PREX2: variants seen among roughly 807,000 people sequenced by gnomAD.
The protein encoded by PREX2 is phosphatidylinositol 3,4,5-trisphosphate-dependent Rac exchanger 2 protein.
In PREX2, 107 loss-of-function variants were observed where a neutral mutation model predicts 203.2. That is an observed-to-expected ratio of 0.53 (90% CI 0.45 to 0.62). The LOEUF is 0.62. Among genes scored for constraint, PREX2 ranks in the 20% least tolerant of loss-of-function variants. PREX2 has a pLI of 0.00. For missense variants in PREX2, 1,777 were observed against 1,955.9 expected (o/e 0.91, Z 1.72); for synonymous variants, 672 against 663.6 (o/e 1.01, Z -0.19).
chr8:68,015,250 CCT>C (rs1217896407), intron 1 of PREX2, among the ~76,000 whole-genome samples: 1 of 152,134 alleles, frequency 6.6e-6, no homozygotes, highest in Non-Finnish European at 1.5e-5. Context: ...AAGATTTAAA[CCT>C]CTCATAAAAA....
Position 68,231,320 on chromosome 8 carries a change from A to T in PREX2, c.4776-13A>T. ...CACTAAGTCACTGTCAAACTTTACC[A>T]TGCCTTTTCTAGGCTGTACAAGCTG... is the stretch of plus-strand genomic sequence containing the variant. On this transcript the variant is annotated splice_polypyrimidine_tract_variant and intron_variant, in intron 39 of 39. Transcript: ENST00000288368. The T allele has an allele frequency of 6.3e-7, 1 of 1,577,228 alleles. No homozygotes were observed. The highest frequency in any genetic ancestry group is 8.6e-7 in the Non-Finnish European group (1 of 1,165,622).
chr8:68,097,308 G>T, intron 22 of PREX2, 107 bp downstream of exon 22: 2 of 853,032 alleles, frequency 2.3e-6, no homozygotes, highest in Non-Finnish European at 3.4e-6. Flanking sequence ...TGTTGCAGCT[G>T]TCAGCTCATT....
intron 1 of PREX2, among the ~76,000 whole-genome samples, chr8:67,965,857 A>C (rs1313152878): frequency 6.6e-6 from 1 of 152,170 alleles, no homozygotes; most frequent in Non-Finnish European, 1.5e-5. Flanking sequence ...GGGTCCAAAA[A>C]GGAATCATGT....
At chr8:68,141,186 A>G (rs1811222728) in intron 33 of PREX2, among the ~76,000 whole-genome samples, 1 of 152,194 alleles carries the variant, frequency 6.6e-6, no homozygotes. Flanking sequence ...CTAAATGGTA[A>G]GTTTGTCTAT....
At chr8:68,023,324 T>G (rs1807622988) in intron 4 of PREX2, among the ~76,000 whole-genome samples, 1 of 152,190 alleles carries the variant, frequency 6.6e-6, no homozygotes, top group African/African-American at 2.4e-5. Context: ...GCCATGCTAG[T>G]GGGTGTGTAG....
At chr8:68,120,778 G>T (rs912837519) in intron 29 of PREX2, 143 bp from the exon 30 acceptor site, 7 of 661,554 alleles carry the variant, frequency 1.1e-5, no homozygotes, top group Non-Finnish European at 1.7e-5. Context: ...TACATTTAAC[G>T]GATTTTCTGA....
chr8:68,058,753 C>T (rs1808756745), intron 10 of PREX2, among the ~76,000 whole-genome samples: 1 of 152,124 alleles, frequency 6.6e-6, no homozygotes, highest in South Asian at 2.1e-4. Flanking sequence ...TTAATATTAT[C>T]TCTGTGTTAA....
Position 68,120,360 on chromosome 8 carries a change from G to C in PREX2, c.3595+74G>C, listed in dbSNP as rs1585810022. On this transcript the variant is annotated intron_variant, in intron 29 of 39. Transcript: ENST00000288368. ...GGTAGACAATATAGTCATGAAGCAA[G>C]CAGATTGCATAAGAGGAACAATTCC... is the stretch of plus-strand genomic sequence containing the variant. The C allele has an allele frequency of 1.7e-5, 16 of 961,870 alleles. No individual in the cohort carries two copies. In the East Asian group the frequency reaches 3.6e-4, roughly 22 times the overall value. 59.6% of individuals were successfully genotyped at this position (961,870 alleles called of 1,614,324 possible). A position where few individuals can be genotyped will look rare whatever the true frequency, so the allele number is the denominator to read the frequency against.
intron 37 of PREX2, among the ~76,000 whole-genome samples, chr8:68,204,584 T>TA (rs1812571376): frequency 6.6e-6 from 1 of 152,030 alleles, no homozygotes; most frequent in Non-Finnish European, 1.5e-5. Context: ...ACCCAGCTGT[T>TA]ACCCATCTCT....
chr8:68,127,040 A>G (rs1585814290), intron 30 of PREX2, among the ~76,000 whole-genome samples: 2 of 152,224 alleles, frequency 1.3e-5, no homozygotes, highest in Admixed American at 1.3e-4. Flanking sequence ...GCAGGCTAAA[A>G]CAGCTAAGGA....
chr8:68,177,385 C>T (rs1226959735), intron 35 of PREX2, among the ~76,000 whole-genome samples: 1 of 152,152 alleles, frequency 6.6e-6, no homozygotes, highest in African/African-American at 2.4e-5. Flanking sequence ...TAGAGAGACC[C>T]TCACCCCTCA....
chr8:68,119,434 G>A lies in PREX2; in HGVS notation c.3424G>A (p.Asp1142Asn). The stretch of plus-strand genomic sequence containing the variant: ...TTTGTTTTTGTTTTGACATCTAGGT[G>A]ATGAACTTCCCTTAAGTGTTCGCAT... ...YFHSDEMDSG[D>N]ELPLSVRISH... The change falls in exon 28 of 40, where the codon GAT (aspartate) becomes AAT (asparagine). Residue 1142 changes from aspartate (D) to asparagine (N), a missense_variant and splice_region_variant. Physicochemically the swap from Asp to Asn is conservative, Grantham distance 23. Coordinates refer to ENST00000288368, the MANE Select transcript of PREX2 (RefSeq NM_024870.4). 1 of 1,611,876 alleles carries A rather than the reference G, an allele frequency of 6.2e-7. No homozygotes were observed. Among genetic ancestry groups the A allele is most frequent in the Non-Finnish European group, 8.5e-7 (1 of 1,178,432 alleles).
At chr8:68,063,158 A>C (rs1482734033) in intron 11 of PREX2, among the ~76,000 whole-genome samples, 2 of 152,198 alleles carry the variant, frequency 1.3e-5, no homozygotes, top group Admixed American at 6.5e-5. Context: ...AACATCATAA[A>C]ATGCTAACAA....
chr8:68,044,978 C>T (rs903410596), intron 8 of PREX2, among the ~76,000 whole-genome samples: 1 of 152,002 alleles, frequency 6.6e-6, no homozygotes, highest in Admixed American at 6.6e-5. Context: ...TAAAATATAG[C>T]AAACTATAGA....
chr8:68,093,625 T>G lies in PREX2; in HGVS notation c.2271T>G (p.Val757=). The change falls in exon 21 of 40, where the codon GTT becomes GTG. Residue 757 remains valine, a synonymous_variant. Transcript: ENST00000288368. ...TCCAGCAAGATTCCATACAATGGGTTTATAATAGCATTGAGAGTGCTCAAG... is the reference window on the plus strand; with the variant it reads ...TCCAGCAAGATTCCATACAATGGGTGTATAATAGCATTGAGAGTGCTCAAG... ...RPTKQDSIQW[V]YNSIESAQED... is the part of the protein sequence containing the mutation. 1 of 1,600,134 alleles carries G rather than the reference T, an allele frequency of 6.2e-7. No homozygotes were observed. The highest frequency in any genetic ancestry group is 8.6e-7 in the Non-Finnish European group (1 of 1,168,572).
chr8:68,191,657 C>T (rs1347029892), intron 35 of PREX2, 65 bp from the exon 36 acceptor site: 2 of 1,130,678 alleles, frequency 1.8e-6, no homozygotes, highest in African/African-American at 3.1e-5. Flanking sequence ...GATTCTTGAA[C>T]ATCTTCATGC....
intron 1 of PREX2, among the ~76,000 whole-genome samples, chr8:68,007,632 C>T (rs1398815910): frequency 3.3e-5 from 5 of 152,232 alleles, no homozygotes; most frequent in East Asian, 1.9e-4. Flanking sequence ...ATTTTTGAGA[C>T]GGAGTCTCGC....
At chr8:68,109,715 T>C in intron 25 of PREX2, 92 bp downstream of exon 25, 6 of 1,072,896 alleles carry the variant, frequency 5.6e-6, no homozygotes, top group Non-Finnish European at 6.9e-6. Context: ...TCTTTAGTTA[T>C]TGGAAATTTA....
intron 36 of PREX2, 110 bp from the exon 37 acceptor site, chr8:68,192,225 C>G: frequency 1.3e-6 from 1 of 775,848 alleles, no homozygotes; most frequent in Non-Finnish European, 2.0e-6. Flanking sequence ...AATTCCATTA[C>G]CACCAAAATG....
Sources: gnomAD v4.1 joint callset for allele counts (sites outside exome capture counted in the v4.1 genomes callset) on GRCh38, gnomAD v4.1.1 for gene constraint, MANE v1.5 for transcripts, NCBI Gene and HGNC (gene_info 2026-07-23, HGNC 2026-07-21) for gene names.